The following NLRP13 variants were observed in gnomAD, a reference collection of about 807,000 sequenced individuals.
NLRP13 encodes NACHT, LRR and PYD domains-containing protein 13.
In NLRP13, 82 loss-of-function variants were observed where a neutral mutation model predicts 94.4. The ratio of observed to expected loss-of-function variants is 0.87; its 90% CI spans 0.73 to 1.04. The LOEUF (loss-of-function observed/expected upper bound fraction) is 1.04, where lower values mean the gene tolerates loss of function less well. Among genes scored for constraint, NLRP13 ranks in the 50% least tolerant of loss-of-function variants. The probability of loss-of-function intolerance (pLI) is 0.00; values close to 1 mark genes in which losing one functional copy is unlikely to be tolerated. For missense variants in NLRP13, 1,426 were observed against 1,230.8 expected, an observed-to-expected ratio of 1.16 and a Z score of -2.37; for synonymous variants, 553 against 464.7, an observed-to-expected ratio of 1.19 and a Z score of -2.45.
rs764384037 is a variant in NLRP13, at chr19:55,913,123, C to G, written c.694G>C (p.Val232Leu). 1 of 1,614,194 alleles carries G rather than the reference C, an allele frequency of 6.2e-7. No homozygotes were observed. The highest frequency in any genetic ancestry group is 1.1e-5 in the South Asian group (1 of 91,084). ...NRTRAQAQTI[V>L]LVGRAGVGKT... is the part of the protein sequence containing the mutation. ...CCAACCCCTGCCCTCCCCACCAAGA[C>G]TATCGTCTGGGCCTGGGCTCTAGTC... Residue 232 changes from valine (V) to leucine (L), a missense_variant, in exon 5 of 11, where the codon GTC becomes CTC. Val to Leu is a conservative substitution (Grantham distance 32). Coordinates refer to ENST00000342929, the MANE Select transcript of NLRP13 (RefSeq NM_176810.2).
chr19:55,905,998 T>C (rs1196307905), intron 7 of NLRP13, among the ~76,000 whole-genome samples: 2 of 151,964 alleles, frequency 1.3e-5, no homozygotes, highest in Non-Finnish European at 1.5e-5. Flanking sequence ...ATAGCCATGA[T>C]CAAAGTGAGG....
intron 1 of NLRP13, among the ~76,000 whole-genome samples, chr19:55,925,420 G>A (rs541161861): frequency 2.1e-4 from 32 of 152,158 alleles, no homozygotes; most frequent in Non-Finnish European, 3.2e-4. Context: ...CTTATCCTCC[G>A]TTTGCACTTG....
At chr19:55,921,727 G>A (rs1342740219) in intron 4 of NLRP13, among the ~76,000 whole-genome samples, 1 of 152,118 alleles carries the variant, frequency 6.6e-6, no homozygotes, top group Non-Finnish European at 1.5e-5. Context: ...CCTAAAGTAG[G>A]AGCAGAGGGA....
intron 7 of NLRP13, among the ~76,000 whole-genome samples, chr19:55,906,073 C>T (rs62128196): frequency 0.25 from 38,525 of 151,874 alleles, 5,032 homozygotes; most frequent in East Asian, 0.41. Context: ...CGTGGTGGCT[C>T]ACGCCTGGAA....
intron 8 of NLRP13, among the ~76,000 whole-genome samples, chr19:55,903,526 C>G (rs1416227631): frequency 6.6e-6 from 1 of 152,156 alleles, no homozygotes; most frequent in East Asian, 1.9e-4. Flanking sequence ...CTCATTCCCA[C>G]AAGGCAATCT....
At chr19:55,915,355 T>TG (rs1568696721) in intron 4 of NLRP13, among the ~76,000 whole-genome samples, 3 of 151,992 alleles carry the variant, frequency 2.0e-5, no homozygotes, top group Non-Finnish European at 4.4e-5. Context: ...CCCAGCACTT[T>TG]GGGAGGCCGA....
chr19:55,899,802 GAACGT>G (rs1568686855), intron 9 of NLRP13, among the ~76,000 whole-genome samples: 1 of 152,102 alleles, frequency 6.6e-6, no homozygotes, highest in African/African-American at 2.4e-5. Flanking sequence ...ACTACGTGAA[GAACGT>G]CCATATGGCT....
At chr19:55,931,745 A>AGAAAGAAAGAAAGAAAG (rs1239845592) in intron 1 of NLRP13, among the ~76,000 whole-genome samples, 1 of 119,456 alleles carries the variant, frequency 8.4e-6, no homozygotes. Flanking sequence ...AAAGAAAGAA[A>AGAAAGAAAGAAAGAAAG]AAGGCTTATA....
intron 7 of NLRP13, among the ~76,000 whole-genome samples, chr19:55,906,461 C>A (rs4239483): frequency 0.74 from 111,573 of 151,758 alleles, 41,421 homozygotes; most frequent in African/African-American, 0.83. Context: ...TCCCCAAAAC[C>A]TACCCACTGC....
downstream of NLRP13, among the ~76,000 whole-genome samples, chr19:55,894,165 C>G (rs1600254563): frequency 6.6e-6 from 1 of 151,840 alleles, no homozygotes; most frequent in Middle Eastern, 3.4e-3. Context: ...CTCAGCCTCC[C>G]AAGTTGCTGG....
chr19:55,912,329 G>C lies in NLRP13; in HGVS notation c.1488C>G (p.Phe496Leu), dbSNP rs989765539. Reference protein sequence around the residue: ...LAIEGLWSMNFTFNKEDTEIE... With the variant: ...LAIEGLWSMNLTFNKEDTEIE... Reference sequence around the variant, plus strand: ...TCTCAGTGTCTTCTTTGTTAAACGTGAAGTTCATAGACCACAGCCCTTCTA... The same window carrying C: ...TCTCAGTGTCTTCTTTGTTAAACGTCAAGTTCATAGACCACAGCCCTTCTA... The change falls in exon 5 of 11, where the codon TTC (phenylalanine) becomes TTG (leucine). Residue 496 changes from phenylalanine to leucine, a missense_variant. Physicochemically the swap from Phe to Leu is conservative, Grantham distance 22. Transcript: ENST00000342929. 1.2e-6 allele frequency: 2 copies of C among 1,614,088 alleles called. No homozygotes were observed. The highest frequency in any genetic ancestry group is 1.6e-4 in the Middle Eastern group (1 of 6,062).
chr19:55,906,213 CTG>C (rs892338172), intron 7 of NLRP13, among the ~76,000 whole-genome samples: 2 of 151,484 alleles, frequency 1.3e-5, no homozygotes, highest in African/African-American at 4.9e-5. Context: ...TGGTGTGTGA[CTG>C]TAATTCCAGC....
intron 10 of NLRP13, among the ~76,000 whole-genome samples, chr19:55,896,716 A>G (rs1986022830): frequency 6.9e-6 from 1 of 145,402 alleles, no homozygotes; most frequent in Admixed American, 7.0e-5. Context: ...GCTGCTTGGG[A>G]GGCTGAGGCA....
chr19:55,906,944 A>T (rs534131152), intron 7 of NLRP13, among the ~76,000 whole-genome samples: 1 of 139,578 alleles, frequency 7.2e-6, no homozygotes, highest in Non-Finnish European at 1.5e-5. Flanking sequence ...TCTGCAGTTG[A>T]GTTCCTGGGA....
At chr19:55,921,444 G>A (rs893602920) in intron 4 of NLRP13, among the ~76,000 whole-genome samples, 3 of 152,130 alleles carry the variant, frequency 2.0e-5, no homozygotes, top group Admixed American at 6.6e-5. Context: ...CCTACTTTAA[G>A]AATGTCTTCT....
Position 55,913,222 on chromosome 19 carries a change from T to TA in NLRP13, c.594dup (p.Lys199Ter), listed in dbSNP as rs768094205. The TA allele has an allele frequency of 1.1e-5, 17 of 1,614,058 alleles. No homozygotes were observed. Among genetic ancestry groups the TA allele is most frequent in the African/African-American group, 6.7e-5 (5 of 74,924 alleles). ...GTATTACGGATATATACGTGGTCTT[T>TA]AGGCCAACTGATGTTGTCCCATGTC... On this transcript the variant is annotated frameshift_variant, in exon 5 of 11. Coordinates refer to ENST00000342929, the MANE Select transcript of NLRP13 (RefSeq NM_176810.2). LOFTEE classifies it high-confidence loss of function.
chr19:55,903,243 C>T (rs776510102), intron 8 of NLRP13, among the ~76,000 whole-genome samples: 6 of 152,066 alleles, frequency 3.9e-5, no homozygotes, highest in South Asian at 2.1e-4. Context: ...AATCACCTAT[C>T]GATAATCCCA....
intron 6 of NLRP13, among the ~76,000 whole-genome samples, chr19:55,909,695 G>A (rs188391312): frequency 4.6e-5 from 7 of 152,328 alleles, no homozygotes; most frequent in East Asian, 3.9e-4. Context: ...CCAGGTTGTA[G>A]CAGCTGGCTC....
chr19:55,892,050 A>G (rs1985865172), downstream of NLRP13: 1 of 1,207,244 alleles, frequency 8.3e-7, no homozygotes, highest in African/African-American at 1.6e-5. Flanking sequence ...CGCACACTTG[A>G]GTTTCAGACA....
Sources: allele counts gnomAD v4.1 joint callset (sites outside exome capture counted in the v4.1 genomes callset), GRCh38; gene constraint gnomAD v4.1.1; transcripts MANE v1.5; gene names NCBI Gene and HGNC (gene_info 2026-07-23, HGNC 2026-07-21).